The following LGR5 variants were observed in gnomAD, a reference collection of about 807,000 sequenced individuals.
The protein encoded by LGR5 is leucine-rich repeat-containing G protein-coupled receptor 5.
A neutral mutation model predicts 76.7 loss-of-function variants in LGR5; 54 were observed. That is an observed-to-expected ratio of 0.70 (90% CI 0.57 to 0.88). The LOEUF (loss-of-function observed/expected upper bound fraction) is 0.88. Ranked by LOEUF, LGR5 falls within the 40% of genes least tolerant of loss-of-function variation. The probability of loss-of-function intolerance (pLI) is 0.00; values close to 1 mark genes in which losing one functional copy is unlikely to be tolerated. For synonymous variants in LGR5, 406 were observed against 421.9 expected, an observed-to-expected ratio of 0.96 and a Z score of 0.46; for missense variants, 1,078 against 1,073.3, an observed-to-expected ratio of 1.00 and a Z score of -0.06.
intron 1 of LGR5, among the ~76,000 whole-genome samples, chr12:71,490,000 G>A (rs978841305): frequency 6.6e-6 from 1 of 152,040 alleles, no homozygotes; most frequent in African/African-American, 2.4e-5. Flanking sequence ...AGGAATGGTG[G>A]CACATGCCTG....
At chr12:71,552,722 G>A (rs12369368) in intron 4 of LGR5, among the ~76,000 whole-genome samples, 1,524 of 152,266 alleles carry the variant, frequency 0.01, 12 homozygotes, top group Non-Finnish European at 0.016. Context: ...GTGGGAGGAG[G>A]AAAAGGATAT....
chr12:71,539,780 C>A (rs1391845955), intron 4 of LGR5, among the ~76,000 whole-genome samples: 1 of 152,056 alleles, frequency 6.6e-6, no homozygotes, highest in African/African-American at 2.4e-5. Context: ...ACCCAGGCCA[C>A]TTGTGTTCTT....
chr12:71,579,352 A>G (rs1322840734), intron 15 of LGR5, among the ~76,000 whole-genome samples: 1 of 152,352 alleles, frequency 6.6e-6, no homozygotes, highest in East Asian at 1.9e-4. Context: ...TGTTATGCTT[A>G]TTATTGACAA....
chr12:71,541,710 T>G (rs970896890), intron 4 of LGR5, among the ~76,000 whole-genome samples: 1 of 152,210 alleles, frequency 6.6e-6, no homozygotes, highest in Admixed American at 6.5e-5. Context: ...AGAAACCTCA[T>G]GAAGTAGGTG....
At chr12:71,558,884 G>T (rs566582641) in intron 6 of LGR5, among the ~76,000 whole-genome samples, 2 of 152,310 alleles carry the variant, frequency 1.3e-5, no homozygotes, top group South Asian at 4.1e-4. Flanking sequence ...AACAGATACA[G>T]AAACTAATGA....
chr12:71,555,346 A>G (rs942004368), intron 5 of LGR5, among the ~76,000 whole-genome samples: 2 of 152,080 alleles, frequency 1.3e-5, no homozygotes, highest in Admixed American at 6.6e-5. Context: ...TTTTCACCCT[A>G]TCCTCCTTAA....
intron 1 of LGR5, among the ~76,000 whole-genome samples, chr12:71,450,973 C>T (rs944819733): frequency 6.6e-6 from 1 of 152,166 alleles, no homozygotes; most frequent in Non-Finnish European, 1.5e-5. Context: ...TCATCCCTAA[C>T]CTGCAACCCC....
intron 4 of LGR5, among the ~76,000 whole-genome samples, chr12:71,538,323 G>A (rs904027046): frequency 6.6e-6 from 1 of 152,006 alleles, no homozygotes; most frequent in Admixed American, 6.6e-5. Flanking sequence ...GACCAGCTTG[G>A]ACAACATAGT....
chr12:71,534,347 C>G (rs1019036545), intron 3 of LGR5, among the ~76,000 whole-genome samples: 7 of 152,118 alleles, frequency 4.6e-5, no homozygotes, highest in Admixed American at 2.0e-4. Context: ...AAAAACTGTT[C>G]AAGATTTTCA....
chr12:71,526,920 T>G (rs1876037009), intron 3 of LGR5, among the ~76,000 whole-genome samples: 1 of 152,130 alleles, frequency 6.6e-6, no homozygotes, highest in African/African-American at 2.4e-5. Flanking sequence ...GGACCTGGGA[T>G]GAACAGGTAG....
In LGR5 at chr12:71,584,662, C is replaced by T. The variant is rs376248314; in HGVS notation, c.2652C>T (p.Ser884=). The change falls in exon 18 of 18, where the codon TCC becomes TCT. Residue 884 remains serine (S), a synonymous_variant. Coordinates refer to ENST00000266674, the MANE Select transcript of LGR5 (RefSeq NM_003667.4). ...SSITYDLPPS[S]VPSPAYPVTE... ...TCACTTATGACCTGCCTCCCAGTTC[C>T]GTGCCATCACCAGCTTATCCAGTGA... The T allele has an allele frequency of 3.2e-5, 51 of 1,614,010 alleles. No individual in the cohort carries two copies. In the African/African-American group the frequency reaches 3.7e-4, roughly 12 times the overall value.
intron 1 of LGR5, among the ~76,000 whole-genome samples, chr12:71,446,994 A>G (rs904577641): frequency 2.6e-5 from 4 of 152,224 alleles, no homozygotes; most frequent in African/African-American, 7.2e-5. Context: ...CTTTTTTCCT[A>G]TAACCAGATC....
chr12:71,579,745 T>A (rs1009040423), intron 15 of LGR5, among the ~76,000 whole-genome samples: 1 of 152,180 alleles, frequency 6.6e-6, no homozygotes, highest in Non-Finnish European at 1.5e-5. Context: ...TTATTCTTTC[T>A]ATTTTTTGTA....
At chr12:71,488,546 G>T (rs1437816334) in intron 1 of LGR5, among the ~76,000 whole-genome samples, 1 of 152,152 alleles carries the variant, frequency 6.6e-6, no homozygotes, top group East Asian at 1.9e-4. Context: ...CAGCAGATGG[G>T]TCATGGGAAG....
At chr12:71,454,972 CA>C (rs1315638963) in intron 1 of LGR5, among the ~76,000 whole-genome samples, 2 of 151,866 alleles carry the variant, frequency 1.3e-5, no homozygotes, top group African/African-American at 4.8e-5. Context: ...GGAAAAAAAG[CA>C]AACAAAAAAC....
intron 8 of LGR5, among the ~76,000 whole-genome samples, 178 bp downstream of exon 8, chr12:71,562,030 T>G (rs1445196463): frequency 6.6e-6 from 1 of 152,210 alleles, no homozygotes; most frequent in Non-Finnish European, 1.5e-5. Context: ...TGAAATAATA[T>G]AAAAGATTTT....
chr12:71,451,727 A>G (rs1323139022), intron 1 of LGR5, among the ~76,000 whole-genome samples: 1 of 152,158 alleles, frequency 6.6e-6, no homozygotes, highest in Admixed American at 6.5e-5. Context: ...AGAACACAGA[A>G]TTCTTGTATA....
chr12:71,499,013 C>T (rs1001216109), intron 1 of LGR5, among the ~76,000 whole-genome samples: 2 of 152,046 alleles, frequency 1.3e-5, no homozygotes, highest in South Asian at 2.1e-4. Flanking sequence ...ACACGAAGAC[C>T]GTGAATTTAT....
intron 2 of LGR5, among the ~76,000 whole-genome samples, chr12:71,511,535 A>C (rs1422787514): frequency 6.6e-6 from 1 of 152,112 alleles, no homozygotes; most frequent in Non-Finnish European, 1.5e-5. Context: ...TGCTTGTAAA[A>C]CCACGCATCT....
Sources: gnomAD v4.1 joint callset for allele counts (sites outside exome capture counted in the v4.1 genomes callset) on GRCh38, gnomAD v4.1.1 for gene constraint, MANE v1.5 for transcripts, NCBI Gene and HGNC (gene_info 2026-07-23, HGNC 2026-07-21) for gene names.